Variants in GRM1 observed in about 807,000 individuals in gnomAD.
GRM1 encodes the protein metabotropic glutamate receptor 1.
Under a neutral mutation model 90.9 loss-of-function variants are expected in GRM1, and 33 were observed. The observed-to-expected ratio is 0.36, with a 90% CI of 0.28 to 0.49. The LOEUF is 0.49. Ranked by LOEUF, GRM1 falls within the 20% of genes least tolerant of loss-of-function variation. The pLI, the probability that GRM1 is intolerant of heterozygous loss-of-function variation, is 0.99. For missense variants in GRM1, 1,190 were observed against 1,534.3 expected (o/e 0.78, Z 3.75); for synonymous variants, 700 against 613.2 (o/e 1.14, Z -2.09).
At chr6:146,118,491 G>C (rs1775850546) in intron 1 of GRM1, among the ~76,000 whole-genome samples, 1 of 152,134 alleles carries the variant, frequency 6.6e-6, no homozygotes, top group Non-Finnish European at 1.5e-5. Context: ...ACAACGTGCA[G>C]GGTTGTTACA....
At chr6:146,363,160 A>G (rs1775554787) in intron 5 of GRM1, among the ~76,000 whole-genome samples, 1 of 152,186 alleles carries the variant, frequency 6.6e-6, no homozygotes, top group African/African-American at 2.4e-5. Flanking sequence ...TAAATTGCTC[A>G]TATTAATTTT....
rs1777060623 is a variant in GRM1 at position 146,398,856 on chromosome 6, T to C, written c.1817T>C (p.Val606Ala). The C allele has an allele frequency of 6.2e-7, 1 of 1,613,836 alleles. No individual in the cohort carries two copies. The highest frequency in any genetic ancestry group is 1.7e-5 in the Admixed American group (1 of 60,014). Reference sequence around the variant, plus strand: ...GCCTTTTCATGCCTGGGAATCCTTGTTACCTTGTTTGTCACCCTAATCTTT... The same window carrying C: ...GCCTTTTCATGCCTGGGAATCCTTGCTACCTTGTTTGTCACCCTAATCTTT... ...AIAFSCLGIL[V>A]TLFVTLIFVL... The change falls in exon 7 of 8, where the codon GTT (valine) becomes GCT (alanine). Residue 606 changes from valine to alanine, a missense_variant. Val to Ala is a moderately conservative substitution (Grantham distance 64, BLOSUM62 0). Coordinates refer to ENST00000282753, the MANE Select transcript of GRM1 (RefSeq NM_001278064.2).
Position 146,029,400 on chromosome 6 carries a change from C to A in GRM1, c.-118C>A. The stretch of plus-strand genomic sequence containing the variant: ...AAAGGCCTTGGACGACCATTGTTGG[C>A]GAGGGGCACCACTCCGGGAGAGGCG... On this transcript the variant is annotated 5_prime_UTR_variant, in exon 1 of 8. Transcript: ENST00000282753. 1.2e-6 allele frequency: 1 copy of A among 826,122 alleles called. No homozygotes were observed. Among genetic ancestry groups the A allele is most frequent in the South Asian group, 1.4e-5 (1 of 74,062 alleles). The allele number at this position is 826,122 out of a possible 1,614,324, so 51.2% of individuals were successfully genotyped here. A position where few individuals can be genotyped will look rare whatever the true frequency, so the allele number is the denominator to read the frequency against.
chr6:146,124,745 CAG>C (rs1205061116), intron 1 of GRM1, among the ~76,000 whole-genome samples: 1 of 152,010 alleles, frequency 6.6e-6, no homozygotes, highest in Non-Finnish European at 1.5e-5. Flanking sequence ...AGAAATAAAA[CAG>C]AGCATTTTTA....
chr6:146,169,427 T>C (rs1778021255), intron 2 of GRM1, among the ~76,000 whole-genome samples: 1 of 152,326 alleles, frequency 6.6e-6, no homozygotes, highest in South Asian at 2.1e-4. Flanking sequence ...CTCAGTGTTG[T>C]GTAAGTTCCA....
chr6:146,159,846 T>C (rs1052074433), intron 2 of GRM1: 12 of 486,780 alleles, frequency 2.5e-5, no homozygotes, highest in African/African-American at 1.6e-4. Flanking sequence ...GCCCAGGAGT[T>C]TGAGGTTACA....
chr6:146,116,705 A>G (rs2128875674), intron 1 of GRM1, among the ~76,000 whole-genome samples: 1 of 152,250 alleles, frequency 6.6e-6, no homozygotes, highest in East Asian at 1.9e-4. Context: ...TTACCAGTTA[A>G]GTCATCTAAT....
At chr6:146,124,540 A>G (rs1002138324) in intron 1 of GRM1, among the ~76,000 whole-genome samples, 1 of 152,162 alleles carries the variant, frequency 6.6e-6, no homozygotes, top group Non-Finnish European at 1.5e-5. Context: ...TATCTGTATC[A>G]CAGATATAAG....
chr6:146,200,561 C>G (rs1456655435), intron 2 of GRM1, among the ~76,000 whole-genome samples: 2 of 152,150 alleles, frequency 1.3e-5, no homozygotes, highest in African/African-American at 4.8e-5. Context: ...TATTCTTTGT[C>G]TTCTTGGCAG....
chr6:146,204,437 C>T (rs1779425764), intron 2 of GRM1, among the ~76,000 whole-genome samples: 1 of 152,084 alleles, frequency 6.6e-6, no homozygotes, highest in African/African-American at 2.4e-5. Flanking sequence ...TTGGAAAAGA[C>T]CCATTTAACT....
chr6:146,041,915 A>C (rs1174736076), intron 1 of GRM1, among the ~76,000 whole-genome samples: 1 of 152,114 alleles, frequency 6.6e-6, no homozygotes, highest in South Asian at 2.1e-4. Flanking sequence ...GGCATGTCCA[A>C]GATCAAGGCA....
At chr6:146,117,552 A>C (rs1162738218) in intron 1 of GRM1, among the ~76,000 whole-genome samples, 4 of 150,326 alleles carry the variant, frequency 2.7e-5, no homozygotes, top group South Asian at 2.1e-4. Flanking sequence ...TCTATATTTT[A>C]TTTTCTTTTT....
chr6:146,196,024 T>C (rs1779102103), intron 2 of GRM1, among the ~76,000 whole-genome samples: 1 of 152,214 alleles, frequency 6.6e-6, no homozygotes, highest in South Asian at 2.1e-4. Context: ...AGTATTTTCC[T>C]GAACAAAGGT....
At chr6:146,076,587 C>T (rs141609928) in intron 1 of GRM1, among the ~76,000 whole-genome samples, 4 of 152,060 alleles carry the variant, frequency 2.6e-5, no homozygotes, top group African/African-American at 4.8e-5. Context: ...CATGAGTAAC[C>T]GGAAGGATGG....
rs570084336 is a variant in GRM1 at position 146,230,008 on chromosome 6, G to A, written c.950+70411G>A. Reference sequence around the variant, plus strand: ...AGACATTAGAAGCACAAGGCAACATGTCAGTTGCTCTCAGGAGTAAATAAA... The same window carrying A: ...AGACATTAGAAGCACAAGGCAACATATCAGTTGCTCTCAGGAGTAAATAAA... On this transcript the variant is annotated intron_variant, in intron 2 of 7. Coordinates refer to ENST00000282753, the MANE Select transcript of GRM1 (RefSeq NM_001278064.2). Among the ~76,000 whole-genome samples, 16 of 152,280 alleles carry A rather than the reference G, an allele frequency of 1.1e-4. No individual in the cohort carries two copies. The South Asian group carries it at 2.9e-3, about 28-fold the overall frequency.
chr6:146,159,556 G>A lies in GRM1; in HGVS notation c.909G>A (p.Met303Ile). The change falls in exon 2 of 8, where the codon ATG becomes ATA. Residue 303 changes from methionine to isoleucine, a missense_variant. This residue lies in a region of GRM1 where 414 missense variants were observed against 598.4 expected (regional missense o/e 0.69). Coordinates refer to ENST00000282753, the MANE Select transcript of GRM1 (RefSeq NM_001278064.2). ...CAGTGCGAGGACTCCTGAGCGCCAT[G>A]CGGCGCCTTGGCGTCGTGGGCGAGT... ...GMTVRGLLSA[M>I]RRLGVVGEFS... 1 of 1,614,004 alleles carries A rather than the reference G, an allele frequency of 6.2e-7. No individual in the cohort carries two copies.
intron 5 of GRM1, among the ~76,000 whole-genome samples, chr6:146,386,102 A>G (rs1408847642): frequency 6.6e-6 from 1 of 152,094 alleles, no homozygotes; most frequent in Admixed American, 6.6e-5. Flanking sequence ...AAAAGGCAGA[A>G]ATTGTCAGAC....
intron 2 of GRM1, among the ~76,000 whole-genome samples, chr6:146,182,210 C>T (rs1032656262): frequency 2.0e-5 from 3 of 152,084 alleles, no homozygotes; most frequent in African/African-American, 7.2e-5. Context: ...TTTTACAACA[C>T]AGGGTCTGCA....
chr6:146,085,404 A>T (rs1301143351), intron 1 of GRM1, among the ~76,000 whole-genome samples: 1 of 152,164 alleles, frequency 6.6e-6, no homozygotes, highest in Non-Finnish European at 1.5e-5. Flanking sequence ...TTTTCGGAGA[A>T]GAAATTTAAG....
Sources: gnomAD v4.1 joint callset for allele counts (sites outside exome capture counted in the v4.1 genomes callset) on GRCh38, gnomAD v4.1.1 for gene constraint, gnomAD v4.1.1 regional missense constraint, MANE v1.5 for transcripts, NCBI Gene and HGNC (gene_info 2026-07-23, HGNC 2026-07-21) for gene names.